Variants in MTF1 observed in about 807,000 individuals in gnomAD.
MTF1 encodes the protein metal regulatory transcription factor 1.
A neutral mutation model predicts 70.4 loss-of-function variants in MTF1; 22 were observed. The ratio of observed to expected loss-of-function variants is 0.31; its 90% confidence interval spans 0.22 to 0.45. MTF1 has a LOEUF of 0.45. Among genes scored for constraint, MTF1 ranks in the 20% least tolerant of loss-of-function variants. The pLI is 1.00. For missense variants in MTF1, 649 were observed against 922.0 expected, an observed-to-expected ratio of 0.70 and a Z score of 3.83; for synonymous variants, 333 against 352.8, an observed-to-expected ratio of 0.94 and a Z score of 0.63.
rs1640748342 is a variant in MTF1, at chr1:37,812,083, TA to T, written c.*3052del. ...TCTAATTGGAGATGTTAGTAGGAGC[TA>T]GAAGATAACGTACAGGGTGAAAATG... On this transcript the variant is annotated 3_prime_UTR_variant, in exon 11 of 11. Transcript: ENST00000373036. The T allele has an allele frequency of 6.5e-6, 1 of 152,680 alleles. No homozygotes were observed. The highest frequency in any genetic ancestry group is 2.4e-5 in the African/African-American group (1 of 41,468). The allele number at this position is 152,680 out of a possible 1,614,324, so 9.5% of individuals were successfully genotyped here. A position where few individuals can be genotyped will look rare whatever the true frequency, so the allele number is the denominator to read the frequency against.
chr1:37,818,440 C>T (rs1449920105), intron 9 of MTF1, among the ~76,000 whole-genome samples: 1 of 152,232 alleles, frequency 6.6e-6, no homozygotes, highest in Non-Finnish European at 1.5e-5. Context: ...CGCAGTGGCT[C>T]ACGCCTGTAA....
intron 7 of MTF1, among the ~76,000 whole-genome samples, chr1:37,827,375 T>TTATTA: frequency 7.3e-6 from 1 of 137,150 alleles, no homozygotes; most frequent in Non-Finnish European, 1.6e-5. Flanking sequence ...TATTATTATT[T>TTATTA]GAGACAGAGT....
intron 2 of MTF1, chr1:37,841,467 C>T (rs1641253865): frequency 6.5e-6 from 1 of 153,680 alleles, no homozygotes; most frequent in African/African-American, 2.4e-5. Context: ...TTGACAACTG[C>T]TATACCTCTG....
chr1:37,839,088 G>C (rs985807064), intron 3 of MTF1, among the ~76,000 whole-genome samples: 1 of 152,128 alleles, frequency 6.6e-6, no homozygotes, highest in Admixed American at 6.5e-5. Flanking sequence ...ACAGGCATGA[G>C]CCACTGCGCC....
chr1:37,837,963 T>C (rs1297452430), intron 4 of MTF1, among the ~76,000 whole-genome samples: 1 of 152,196 alleles, frequency 6.6e-6, no homozygotes, highest in Non-Finnish European at 1.5e-5. Context: ...TGCTATATAC[T>C]ATGAGCAGAG....
At chr1:37,828,268 G>A (rs561986755) in intron 7 of MTF1, 68 of 360,582 alleles carry the variant, frequency 1.9e-4, no homozygotes, top group African/African-American at 8.4e-4. Flanking sequence ...GGGTATGTGA[G>A]GGGGGGGCCT....
chr1:37,822,465 T>C lies in MTF1; in HGVS notation c.1423A>G (p.Ser475Gly). Reference sequence around the variant, plus strand: ...TGATGATTAGCAGCAAACTGTGTGCTGTGGGGAACAGGCACTTCTGGAGGT... The same window carrying C: ...TGATGATTAGCAGCAAACTGTGTGCCGTGGGGAACAGGCACTTCTGGAGGT... ...LQPPEVPVPH[S>G]TQFAANHQEF... Residue 475 changes from serine (S) to glycine (G), a missense_variant, in exon 9 of 11, where the codon AGC (serine) becomes GGC (glycine). Ser to Gly is a moderately conservative substitution (Grantham distance 56). Around this residue, in one of 7 missense-constraint regions of MTF1, gnomAD observed 267 missense variants for 292.1 expected, o/e 0.91. Coordinates refer to ENST00000373036, the MANE Select transcript of MTF1 (RefSeq NM_005955.3). 1 of 1,614,120 alleles carries C rather than the reference T, an allele frequency of 6.2e-7. No individual in the cohort carries two copies. Among genetic ancestry groups the C allele is most frequent in the Non-Finnish European group, 8.5e-7 (1 of 1,180,028 alleles).
At chr1:37,854,895 A>C (rs1641467135) in intron 2 of MTF1, among the ~76,000 whole-genome samples, 1 of 152,140 alleles carries the variant, frequency 6.6e-6, no homozygotes, top group East Asian at 1.9e-4. Context: ...CCCTGTCTCT[A>C]CTAAAAATAC....
At position 37,817,422 on chromosome 1, in the gene MTF1, G is replaced by T; in HGVS notation, c.1828C>A (p.Pro610Thr). The T allele has an allele frequency of 6.2e-7, 1 of 1,601,298 alleles. No homozygotes were observed. The highest frequency in any genetic ancestry group is 8.6e-7 in the Non-Finnish European group (1 of 1,168,314). Residue 610 changes from proline to threonine, a missense_variant, in exon 10 of 11, where the codon CCA becomes ACA. By Grantham distance (38) the Pro-to-Thr change is conservative. Transcript: ENST00000373036. Reference sequence around the variant, plus strand: ...AGGCTAACATGGAATTACATACCTGGGCTACTGGCTACTGGTACTGCAGTG... The same window carrying T: ...AGGCTAACATGGAATTACATACCTGTGCTACTGGCTACTGGTACTGCAGTG... Reference protein sequence around the residue: ...FTTAVPVASSPGSSVQQIGLS... With the variant: ...FTTAVPVASSTGSSVQQIGLS...
At position 37,817,218 on chromosome 1, in the gene MTF1, C is replaced by T. The variant is rs144292631; in HGVS notation, c.1831+201G>A. Among the ~76,000 whole-genome samples, 105 of 152,254 alleles carry T rather than the reference C, an allele frequency of 6.9e-4. No individual in the cohort carries two copies. The East Asian group carries it at 0.016, about 23-fold the overall frequency. On this transcript the variant is annotated intron_variant, in intron 10 of 10. Transcript: ENST00000373036. ...GTTACTAGTTAAAGAATGTTAAACA[C>T]GGTATTTTGGCCAGACGTATACTAA...
intron 9 of MTF1, among the ~76,000 whole-genome samples, chr1:37,818,819 C>T (rs938865133): frequency 4.0e-5 from 6 of 151,108 alleles, no homozygotes; most frequent in African/African-American, 1.2e-4. Flanking sequence ...ACGGTGAAAC[C>T]CCATCTCTAC....
chr1:37,820,617 G>A (rs1428814467), intron 9 of MTF1, among the ~76,000 whole-genome samples: 1 of 152,234 alleles, frequency 6.6e-6, no homozygotes, highest in Non-Finnish European at 1.5e-5. Context: ...GGAGAGGGAA[G>A]TGGTAGAAGG....
Position 37,809,837 on chromosome 1 carries a change from A to G in MTF1, c.*5299T>C, listed in dbSNP as rs1222243371. ...CGCTCAGTGGAAGTCCGTTGTTCCCATGTTTCACACTTACTTTTACATAAT... is the reference window on the plus strand; with the variant it reads ...CGCTCAGTGGAAGTCCGTTGTTCCCGTGTTTCACACTTACTTTTACATAAT... On this transcript the variant is annotated 3_prime_UTR_variant, in exon 11 of 11. Transcript: ENST00000373036. 2.6e-5 allele frequency: 4 copies of G among 152,536 alleles called. No homozygotes were observed. The highest frequency in any genetic ancestry group is 6.5e-5 in the Admixed American group (1 of 15,276). The allele number at this position is 152,536 out of a possible 1,614,324, so 9.4% of individuals were successfully genotyped here.
intron 2 of MTF1, among the ~76,000 whole-genome samples, chr1:37,851,806 G>T (rs972383347): frequency 6.6e-6 from 1 of 150,908 alleles, no homozygotes; most frequent in Non-Finnish European, 1.5e-5. Context: ...CAATCTCCTT[G>T]AGCTAGCTAC....
intron 2 of MTF1, among the ~76,000 whole-genome samples, chr1:37,856,170 CTTTTTTTTTTT>C (rs869062644): frequency 1.3e-5 from 1 of 74,156 alleles, no homozygotes; most frequent in Non-Finnish European, 2.4e-5. Context: ...CCTGAATTTC[CTTTTTTTTTTT>C]TTTTTTTTTT....
chr1:37,822,790 G>T, intron 8 of MTF1, 74 bp from the exon 9 acceptor site: 1 of 1,072,312 alleles, frequency 9.3e-7, no homozygotes, highest in Non-Finnish European at 1.4e-6. Flanking sequence ...AGTCATTATG[G>T]GCTAAACAAA....
intron 2 of MTF1, among the ~76,000 whole-genome samples, chr1:37,855,775 G>A (rs764426512): frequency 6.6e-6 from 1 of 152,076 alleles, no homozygotes; most frequent in Non-Finnish European, 1.5e-5. Context: ...TGGCTAACAT[G>A]GTGAAACCTC....
Position 37,829,287 on chromosome 1 carries a change from T to TA in MTF1, c.1068+2957dup, listed in dbSNP as rs572894547. On this transcript the variant is annotated intron_variant, in intron 7 of 10. Transcript: ENST00000373036. ...TTTTTACTAGAGATGAGGTCTCTATTAAAAAAAATATTTTTATTAGAAAAT... is the reference window on the plus strand; with the variant it reads ...TTTTTACTAGAGATGAGGTCTCTATTAAAAAAAAATATTTTTATTAGAAAAT... Among the ~76,000 whole-genome samples the TA allele has an allele frequency of 6.0e-3, 903 of 151,646 alleles. 8 individuals carry two copies. Among genetic ancestry groups the TA allele is most frequent in the Non-Finnish European group, 8.8e-3 (594 of 67,866 alleles).
chr1:37,843,650 C>T (rs12745294), intron 2 of MTF1, among the ~76,000 whole-genome samples: 90,273 of 152,138 alleles, frequency 0.59, 28,644 homozygotes, highest in Non-Finnish European at 0.71. Flanking sequence ...AAAAACGTTA[C>T]TTATGGACAC....
Sources: gnomAD v4.1 joint callset for allele counts (sites outside exome capture counted in the v4.1 genomes callset) on GRCh38, gnomAD v4.1.1 for gene constraint, gnomAD v4.1.1 regional missense constraint, MANE v1.5 for transcripts, NCBI Gene and HGNC (gene_info 2026-07-23, HGNC 2026-07-21) for gene names.